TRMT10A: variants seen among roughly 807,000 people sequenced by gnomAD.
TRMT10A encodes the protein tRNA methyltransferase 10 homolog A.
A neutral mutation model predicts 40.4 loss-of-function variants in TRMT10A; 37 were observed. The observed-to-expected ratio is 0.92, with a 90% CI of 0.71 to 1.21. TRMT10A has a LOEUF of 1.21. Among genes scored for constraint, TRMT10A ranks in the 50% most tolerant of loss-of-function variants. The pLI is 0.00. For synonymous variants in TRMT10A, 103 were observed against 134.1 expected (o/e 0.77, Z 1.60); for missense variants, 388 against 404.3 (o/e 0.96, Z 0.35).
chr4:99,553,935 C>T lies in TRMT10A; in HGVS notation c.496-1G>A, dbSNP rs201184610. On this transcript the variant is annotated splice_acceptor_variant, in intron 5 of 7. Coordinates refer to ENST00000394876, the MANE Select transcript of TRMT10A (RefSeq NM_001134665.3). LOFTEE classifies it high-confidence loss of function. ...AGTGCTCTGGTTTGATATGGATATCCTTTAAGACAACAGGGAAAGAGGTTA... is the reference window on the plus strand; with the variant it reads ...AGTGCTCTGGTTTGATATGGATATCTTTTAAGACAACAGGGAAAGAGGTTA... 8 of 1,610,192 alleles carry T rather than the reference C, an allele frequency of 5.0e-6. No individual in the cohort carries two copies. In the East Asian group the frequency reaches 1.3e-4, roughly 27 times the overall value.
Position 99,563,905 on chromosome 4 carries a change from A to C in TRMT10A, c.-24+8T>G, listed in dbSNP as rs1473955940. ...CGGGGGAGCGCCAACCAGTGCCAGG[A>C]CACTTACCGAGCTGAAGAGTTGACA... is the stretch of plus-strand genomic sequence containing the variant. On this transcript the variant is annotated splice_region_variant and intron_variant, in intron 1 of 7. Transcript: ENST00000394876. 1.3e-6 allele frequency: 1 copy of C among 747,186 alleles called. No individual in the cohort carries two copies. The highest frequency in any genetic ancestry group is 2.3e-6 in the Non-Finnish European group (1 of 428,002). 46.3% of individuals were successfully genotyped at this position (747,186 alleles called of 1,614,324 possible).
At position 99,548,534 on chromosome 4, in the gene TRMT10A, A is replaced by G. The variant is rs1432125537; in HGVS notation, c.*554T>C. 6.6e-6 allele frequency: 1 copy of G among 152,292 alleles called. No individual in the cohort carries two copies. Among genetic ancestry groups the G allele is most frequent in the South Asian group, 2.1e-4 (1 of 4,832 alleles). 9.4% of individuals were successfully genotyped at this position (152,292 alleles called of 1,614,324 possible). ...TAAAGAAGGAACAGATATGCGCTCC[A>G]TAGTCCAAAAGAAATGAATTATTAA... On this transcript the variant is annotated 3_prime_UTR_variant, in exon 8 of 8. Coordinates refer to ENST00000394876, the MANE Select transcript of TRMT10A (RefSeq NM_001134665.3).
chr4:99,562,516 T>TTCTG (rs1724465749), intron 1 of TRMT10A, among the ~76,000 whole-genome samples: 1 of 38,222 alleles, frequency 2.6e-5, no homozygotes, highest in East Asian at 2.6e-3. Context: ...AAGGAATGCC[T>TTCTG]TTTTTTTTTT....
intron 1 of TRMT10A, 57 bp downstream of exon 1, chr4:99,563,856 T>G: frequency 1.5e-6 from 1 of 680,496 alleles, no homozygotes; most frequent in South Asian, 1.5e-5. Context: ...ACGCGCCCCT[T>G]TGCGTCCAGA....
At chr4:99,559,810 A>G (rs1184854638) in intron 1 of TRMT10A, among the ~76,000 whole-genome samples, 1 of 152,176 alleles carries the variant, frequency 6.6e-6, no homozygotes, top group Non-Finnish European at 1.5e-5. Context: ...CGGTTAATCT[A>G]TAACATGGGC....
At chr4:99,554,006 C>G in intron 5 of TRMT10A, 72 bp from the exon 6 acceptor site, 2 of 1,476,744 alleles carry the variant, frequency 1.4e-6, no homozygotes, top group African/African-American at 2.8e-5. Context: ...TGATTATTCT[C>G]TTTTCCCAAA....
At chr4:99,559,554 A>C (rs1171732926) in intron 1 of TRMT10A, among the ~76,000 whole-genome samples, 193 bp from the exon 2 acceptor site, 10 of 152,232 alleles carry the variant, frequency 6.6e-5, no homozygotes, top group African/African-American at 2.4e-4. Flanking sequence ...GTCTAAAGAA[A>C]TGGGGTGTTT....
chr4:99,557,084 C>T (rs149981269), intron 4 of TRMT10A, among the ~76,000 whole-genome samples: 1 of 152,170 alleles, frequency 6.6e-6, no homozygotes, highest in African/African-American at 2.4e-5. Context: ...ATGTATGTCC[C>T]ACAATGAAGA....
chr4:99,560,014 T>C (rs1724323763), intron 1 of TRMT10A, among the ~76,000 whole-genome samples: 1 of 152,094 alleles, frequency 6.6e-6, no homozygotes, highest in South Asian at 2.1e-4. Flanking sequence ...AATGAAAATA[T>C]ATTGTTTTTA....
chr4:99,552,455 C>T (rs1196513128), intron 6 of TRMT10A, among the ~76,000 whole-genome samples: 2 of 152,242 alleles, frequency 1.3e-5, no homozygotes, highest in East Asian at 3.9e-4. Context: ...TAGGCTATGC[C>T]ATACAGCCTA....
chr4:99,549,170 C>T lies in TRMT10A; in HGVS notation c.938G>A (p.Arg313Lys), dbSNP rs781336411. The T allele has an allele frequency of 1.2e-6, 2 of 1,614,040 alleles. No homozygotes were observed. The highest frequency in any genetic ancestry group is 8.5e-7 in the Non-Finnish European group (1 of 1,179,982). The stretch of plus-strand genomic sequence containing the variant: ...TTCATGTGGTGAATCTAGTTCATTT[C>T]TGCTATATTCCTCCTCACTGGAATC... ...DSDSSEEEYS[R>K]NELDSPHEEK... is the part of the protein sequence containing the mutation. The change falls in exon 8 of 8, where the codon AGA (arginine) becomes AAA (lysine). Residue 313 changes from arginine to lysine, a missense_variant. Transcript: ENST00000394876.
chr4:99,549,702 C>G (rs549938148), intron 7 of TRMT10A, among the ~76,000 whole-genome samples: 1 of 152,272 alleles, frequency 6.6e-6, no homozygotes, highest in South Asian at 2.1e-4. Flanking sequence ...TTAGCATTCA[C>G]TTAACTTTCT....
Position 99,549,367 on chromosome 4 carries a change from G to C in TRMT10A, c.752-11C>G. On this transcript the variant is annotated splice_polypyrimidine_tract_variant and intron_variant, in intron 7 of 7. Transcript: ENST00000394876. ...GAATAATTTCAAACACTGCAATAAAGACATATTCCGTACATTTCTTAGCCA... is the reference window on the plus strand; with the variant it reads ...GAATAATTTCAAACACTGCAATAAACACATATTCCGTACATTTCTTAGCCA... 1.9e-6 allele frequency: 3 copies of C among 1,612,416 alleles called. No homozygotes were observed. The highest frequency in any genetic ancestry group is 2.5e-6 in the Non-Finnish European group (3 of 1,178,908).
chr4:99,549,174 T>TA lies in TRMT10A; in HGVS notation c.933dup (p.Ser312Ter). 6.2e-7 allele frequency: 1 copy of TA among 1,614,138 alleles called. No individual in the cohort carries two copies. Among genetic ancestry groups the TA allele is most frequent in the East Asian group, 2.2e-5 (1 of 44,864 alleles). The stretch of plus-strand genomic sequence containing the variant: ...TGTGGTGAATCTAGTTCATTTCTGC[T>TA]ATATTCCTCCTCACTGGAATCACTG... On this transcript the variant is annotated frameshift_variant, in exon 8 of 8. Transcript: ENST00000394876. LOFTEE classifies it low-confidence loss of function (END_TRUNC).
intron 5 of TRMT10A, among the ~76,000 whole-genome samples, chr4:99,554,746 GA>G (rs1156663679): frequency 1.4e-5 from 2 of 138,118 alleles, no homozygotes; most frequent in African/African-American, 5.4e-5. Flanking sequence ...AAAAAAGAAA[GA>G]AAAAAAGAAA....
intron 5 of TRMT10A, among the ~76,000 whole-genome samples, chr4:99,554,451 G>GGT (rs1291806282): frequency 4.6e-5 from 7 of 152,206 alleles, no homozygotes; most frequent in African/African-American, 1.7e-4. Context: ...GGCCACGTGC[G>GGT]GTGGCTCATG....
At position 99,556,172 on chromosome 4, in the gene TRMT10A, T is replaced by C. The variant is rs1204383630; in HGVS notation, c.469A>G (p.Asn157Asp). 3.1e-6 allele frequency: 5 copies of C among 1,613,634 alleles called. No homozygotes were observed. The South Asian group carries it at 5.5e-5, about 18-fold the overall frequency. Residue 157 changes from asparagine to aspartate, a missense_variant, in exon 5 of 8, where the codon AAT (asparagine) becomes GAT (aspartate). Coordinates refer to ENST00000394876, the MANE Select transcript of TRMT10A (RefSeq NM_001134665.3). Reference protein sequence around the residue: ...GGQLKKNMDENDKGWVNWKDI... With the variant: ...GGQLKKNMDEDDKGWVNWKDI... ...TTCCAGTTGACCCATCCTTTGTCAT[T>C]TTCATCCATGTTCTTTTTCAGCTGG...
At chr4:99,551,620 T>C (rs1723968233) in intron 6 of TRMT10A, among the ~76,000 whole-genome samples, 1 of 152,162 alleles carries the variant, frequency 6.6e-6, no homozygotes, top group African/African-American at 2.4e-5. Flanking sequence ...TTACCTGTTA[T>C]GTATTTACTA....
chr4:99,561,153 G>T (rs1724376000), intron 1 of TRMT10A, among the ~76,000 whole-genome samples: 2 of 152,042 alleles, frequency 1.3e-5, no homozygotes, highest in Non-Finnish European at 2.9e-5. Context: ...TTTTAGTAGA[G>T]AAGGGGTTTC....
Sources: gnomAD v4.1 joint callset for allele counts (sites outside exome capture counted in the v4.1 genomes callset) on GRCh38, gnomAD v4.1.1 for gene constraint, MANE v1.5 for transcripts, NCBI Gene and HGNC (gene_info 2026-07-23, HGNC 2026-07-21) for gene names.